The following EXOC4 variants were observed in gnomAD, a reference collection of about 807,000 sequenced individuals.
EXOC4 encodes SEC8-like 1.
Under a neutral mutation model 107.2 loss-of-function variants are expected in EXOC4, and 71 were observed. The ratio of observed to expected loss-of-function variants is 0.66; its 90% CI spans 0.55 to 0.81. The LOEUF (loss-of-function observed/expected upper bound fraction) is 0.81, where lower values mean the gene tolerates loss of function less well. Ranked by LOEUF, EXOC4 falls within the 30% of genes least tolerant of loss-of-function variation. EXOC4 has a pLI of 0.00. For synonymous variants in EXOC4, 456 were observed against 441.2 expected (o/e 1.03, Z -0.42); for missense variants, 1,108 against 1,189.6 (o/e 0.93, Z 1.01).
chr7:133,897,822 C>T (rs1799354698), intron 12 of EXOC4, among the ~76,000 whole-genome samples: 1 of 151,812 alleles, frequency 6.6e-6, no homozygotes, highest in South Asian at 2.1e-4. Context: ...TATCCATTAC[C>T]TCTCATACTT....
At chr7:134,062,099 G>A (rs1249248673) in intron 17 of EXOC4, among the ~76,000 whole-genome samples, 2 of 152,220 alleles carry the variant, frequency 1.3e-5, no homozygotes, top group African/African-American at 2.4e-5. Flanking sequence ...ATGAACACTC[G>A]TTTAAAACCA....
chr7:133,976,859 CA>C (rs1793847597), intron 14 of EXOC4, among the ~76,000 whole-genome samples: 1 of 152,186 alleles, frequency 6.6e-6, no homozygotes, highest in African/African-American at 2.4e-5. Context: ...CTCTGAAAAT[CA>C]AATTTGACTT....
chr7:133,644,438 T>C (rs1303488493), intron 10 of EXOC4, among the ~76,000 whole-genome samples: 1 of 152,216 alleles, frequency 6.6e-6, no homozygotes, highest in Non-Finnish European at 1.5e-5. Context: ...ATAACTTTAT[T>C]ACTATGATTA....
Position 133,858,297 on chromosome 7 carries a change from C to G in EXOC4, c.1735-37302C>G, listed in dbSNP as rs558430966. 1.2e-4 allele frequency among the ~76,000 whole-genome samples: 18 copies of G among 152,304 alleles called. 1 individual carries two copies. In the East Asian group the frequency reaches 3.3e-3, roughly 28 times the overall value. ...CAGAGAGGAGACCCAAAGTGGGTAG[C>G]TACTACCTGCAGACGGGCAGTCGTA... is the stretch of plus-strand genomic sequence containing the variant. On this transcript the variant is annotated intron_variant, in intron 11 of 17. Coordinates refer to ENST00000253861, the MANE Select transcript of EXOC4 (RefSeq NM_021807.4).
intron 7 of EXOC4, among the ~76,000 whole-genome samples, chr7:133,423,839 C>T (rs2150763395): frequency 6.6e-6 from 1 of 152,296 alleles, no homozygotes; most frequent in African/African-American, 2.4e-5. Context: ...CCGCACTTGG[C>T]ACAGCCAGCT....
rs1414442269 is a variant in EXOC4 at position 133,721,651 on chromosome 7, CTT to C, written c.1514+91513_1514+91514del. Among the ~76,000 whole-genome samples, 5 of 152,250 alleles carry C rather than the reference CTT, an allele frequency of 3.3e-5. No individual in the cohort carries two copies. The East Asian group carries it at 9.7e-4, about 29-fold the overall frequency. On this transcript the variant is annotated intron_variant, in intron 10 of 17. Coordinates refer to ENST00000253861, the MANE Select transcript of EXOC4 (RefSeq NM_021807.4). ...TGACTTCCTAATAAATCAGGCGTCTCTTTTCATGTAGTCATGGGTTAGGTTTA... is the reference window on the plus strand; with the variant it reads ...TGACTTCCTAATAAATCAGGCGTCTCTTCATGTAGTCATGGGTTAGGTTTA...
intron 10 of EXOC4, among the ~76,000 whole-genome samples, chr7:133,636,152 G>C (rs1051149095): frequency 6.6e-6 from 1 of 152,146 alleles, no homozygotes; most frequent in Admixed American, 6.5e-5. Flanking sequence ...GTAAAGGAAG[G>C]AAAAACATTC....
At chr7:133,686,498 T>A (rs1186438840) in intron 10 of EXOC4, among the ~76,000 whole-genome samples, 2 of 152,142 alleles carry the variant, frequency 1.3e-5, no homozygotes, top group East Asian at 3.9e-4. Flanking sequence ...TCTGACGTCC[T>A]TCCTCAGGAA....
intron 5 of EXOC4, among the ~76,000 whole-genome samples, chr7:133,336,241 C>G (rs1795509133): frequency 6.6e-6 from 1 of 152,100 alleles, no homozygotes. Flanking sequence ...TCTGTCATAT[C>G]CTGGAAATCC....
chr7:133,633,368 ACT>A (rs543225413), intron 10 of EXOC4, among the ~76,000 whole-genome samples: 51 of 152,094 alleles, frequency 3.4e-4, no homozygotes, highest in Admixed American at 5.2e-4. Context: ...AATTTGCCAA[ACT>A]CTTTTTCTAA....
At chr7:133,540,850 A>T (rs1800366139) in intron 9 of EXOC4, among the ~76,000 whole-genome samples, 1 of 152,216 alleles carries the variant, frequency 6.6e-6, no homozygotes, top group African/African-American at 2.4e-5. Context: ...ACTGCTCATC[A>T]GAAAACTAAA....
At chr7:134,077,844 C>T in the EXOC4 span, among the ~76,000 whole-genome samples, 3 of 152,240 alleles carry the variant, frequency 2.0e-5, no homozygotes, top group Admixed American at 1.3e-4. Context: ...TCCTCATGAC[C>T]TTCATTGTAC....
At chr7:133,568,371 A>G (rs532128194) in intron 9 of EXOC4, among the ~76,000 whole-genome samples, 3 of 152,220 alleles carry the variant, frequency 2.0e-5, no homozygotes, top group Non-Finnish European at 2.9e-5. Context: ...TTTATTTAGT[A>G]TAACAAACTT....
At chr7:133,513,239 T>C (rs1168445682) in intron 9 of EXOC4, among the ~76,000 whole-genome samples, 2 of 152,180 alleles carry the variant, frequency 1.3e-5, no homozygotes, top group African/African-American at 2.4e-5. Flanking sequence ...TGGCTAATTT[T>C]TGTATTTTTG....
intron 10 of EXOC4, among the ~76,000 whole-genome samples, chr7:133,661,847 A>G (rs1205877938): frequency 6.6e-6 from 1 of 152,080 alleles, no homozygotes; most frequent in East Asian, 1.9e-4. Flanking sequence ...CCTATAAAGT[A>G]TGGTATCACA....
At chr7:133,325,289 C>T (rs1295808390) in intron 5 of EXOC4, among the ~76,000 whole-genome samples, 2 of 152,140 alleles carry the variant, frequency 1.3e-5, no homozygotes, top group African/African-American at 2.4e-5. Flanking sequence ...TTAGTTGATG[C>T]AGTTGCTTCC....
chr7:133,283,891 A>G (rs1794216055), intron 2 of EXOC4, among the ~76,000 whole-genome samples: 1 of 151,878 alleles, frequency 6.6e-6, no homozygotes, highest in Admixed American at 6.6e-5. Flanking sequence ...AATGTTTTTG[A>G]GATTCTTCAT....
intron 8 of EXOC4, chr7:133,478,773 T>C (rs1056665887): frequency 2.0e-5 from 3 of 152,026 alleles, no homozygotes; most frequent in African/African-American, 7.2e-5. Context: ...AGTTTATTTA[T>C]TTTTTTTCTT....
chr7:133,975,501 T>G (rs1344278038), intron 14 of EXOC4, among the ~76,000 whole-genome samples: 1 of 152,110 alleles, frequency 6.6e-6, no homozygotes, highest in Admixed American at 6.6e-5. Context: ...ATATTGGAAT[T>G]TACACAGCAA....
Sources: gnomAD v4.1 joint callset for allele counts (sites outside exome capture counted in the v4.1 genomes callset) on GRCh38, gnomAD v4.1.1 for gene constraint, MANE v1.5 for transcripts, NCBI Gene and HGNC (gene_info 2026-07-23, HGNC 2026-07-21) for gene names.